The following HIP1 variants were observed in gnomAD, a reference collection of about 807,000 sequenced individuals.
HIP1 encodes the protein huntingtin-interacting protein 1.
A neutral mutation model predicts 147.6 loss-of-function variants in HIP1; 65 were observed. The ratio of observed to expected loss-of-function variants is 0.44; its 90% CI spans 0.36 to 0.54. The LOEUF (loss-of-function observed/expected upper bound fraction) is 0.54, where lower values mean the gene tolerates loss of function less well. HIP1 is among the 20% of genes least tolerant of loss of function. HIP1 has a pLI of 0.00. For missense variants in HIP1, 1,061 were observed against 1,299.6 expected (o/e 0.82, Z 2.82); for synonymous variants, 479 against 504.0 (o/e 0.95, Z 0.67).
chr7:75,631,029 C>T (rs587657469), intron 1 of HIP1, among the ~76,000 whole-genome samples: 119 of 152,326 alleles, frequency 7.8e-4, no homozygotes, highest in Middle Eastern at 3.4e-3. Context: ...TCACATCTCA[C>T]TGCAGCCTTG....
intron 22 of HIP1, 151 bp from the exon 23 acceptor site, chr7:75,549,152 C>T: frequency 3.3e-6 from 2 of 603,690 alleles, no homozygotes; most frequent in Admixed American, 5.8e-5. Flanking sequence ...CTTTTGCAGA[C>T]CCCATCTTGT....
At chr7:75,539,837 A>G (rs782757772) in intron 29 of HIP1, among the ~76,000 whole-genome samples, 1 of 152,188 alleles carries the variant, frequency 6.6e-6, no homozygotes, top group Non-Finnish European at 1.5e-5. Flanking sequence ...ACAAATGCCT[A>G]AATGGTAGGT....
chr7:75,631,771 G>A (rs1276775385), intron 1 of HIP1, among the ~76,000 whole-genome samples: 3 of 152,094 alleles, frequency 2.0e-5, no homozygotes, highest in East Asian at 1.9e-4. Context: ...GTGAGACTAC[G>A]TGCCTGTCCT....
rs147502100 is a variant in HIP1 at position 75,702,581 on chromosome 7, C to T, written c.120+36220G>A. ...TTATAAAGAAAAGTGGTTTATTTGG[C>T]TTATGGCACTGCAGGTTGCACAAGA... On this transcript the variant is annotated intron_variant, in intron 1 of 30. Coordinates refer to ENST00000336926, the MANE Select transcript of HIP1 (RefSeq NM_005338.7). 1.4e-3 allele frequency among the ~76,000 whole-genome samples: 218 copies of T among 152,290 alleles called. 1 individual carries two copies. Among genetic ancestry groups the T allele is most frequent in the African/African-American group, 5.2e-3 (215 of 41,564 alleles).
intron 1 of HIP1, among the ~76,000 whole-genome samples, chr7:75,696,605 C>G (rs1284813262): frequency 7.5e-6 from 1 of 132,902 alleles, no homozygotes; most frequent in Non-Finnish European, 1.6e-5. Context: ...CCCTCTGCTC[C>G]CCTTCCCTTT....
At chr7:75,588,331 G>A (rs1244157825) in intron 4 of HIP1, among the ~76,000 whole-genome samples, 1 of 152,098 alleles carries the variant, frequency 6.6e-6, no homozygotes, top group Non-Finnish European at 1.5e-5. Context: ...TACACAGCAT[G>A]GGCAAAATGC....
chr7:75,592,636 C>T (rs905734974), intron 2 of HIP1, 122 bp from the exon 3 acceptor site: 26 of 981,902 alleles, frequency 2.6e-5, no homozygotes, highest in Non-Finnish European at 8.8e-6. Flanking sequence ...ATAGAGGCTG[C>T]ACCCAGCCAC....
intron 1 of HIP1, among the ~76,000 whole-genome samples, chr7:75,726,175 C>T (rs1451574518): frequency 6.6e-6 from 1 of 152,142 alleles, no homozygotes; most frequent in African/African-American, 2.4e-5. Context: ...ATATAACTAG[C>T]AGTGGTATGG....
chr7:75,737,869 T>C (rs887463650), intron 1 of HIP1, among the ~76,000 whole-genome samples: 3 of 152,196 alleles, frequency 2.0e-5, no homozygotes, highest in Non-Finnish European at 2.9e-5. Context: ...CCCTCCAGCA[T>C]TGGCACTGGG....
intron 23 of HIP1, 86 bp from the exon 24 acceptor site, chr7:75,547,899 G>T (rs996499656): frequency 2.4e-6 from 3 of 1,232,320 alleles, no homozygotes; most frequent in South Asian, 2.4e-5. Flanking sequence ...CCAACATCGT[G>T]TGGTAGCTGG....
At chr7:75,569,124 A>G (rs1795519610) in intron 8 of HIP1, among the ~76,000 whole-genome samples, 1 of 152,148 alleles carries the variant, frequency 6.6e-6, no homozygotes, top group South Asian at 2.1e-4. Context: ...TCCCCTACAG[A>G]GCCAGTTCTC....
At chr7:75,539,479 T>C (rs1794219564) in intron 29 of HIP1, 48 bp from the exon 30 acceptor site, 1 of 1,407,372 alleles carries the variant, frequency 7.1e-7, no homozygotes, top group Admixed American at 1.8e-5. Flanking sequence ...CTCTCAGAGA[T>C]TTAATTTTTA....
At position 75,696,285 on chromosome 7, in the gene HIP1, G is replaced by A. The variant is rs560770831; in HGVS notation, c.120+42516C>T. 2.2e-3 allele frequency among the ~76,000 whole-genome samples: 336 copies of A among 152,230 alleles called. 3 individuals are homozygous for A. The highest frequency in any genetic ancestry group is 7.6e-3 in the African/African-American group (315 of 41,548). Reference sequence around the variant, plus strand: ...TTACAGGTGTGAGCCACCATGCCTGGCCTATCATTTCTTCTTTTCTTTCCA... The same window carrying A: ...TTACAGGTGTGAGCCACCATGCCTGACCTATCATTTCTTCTTTTCTTTCCA... On this transcript the variant is annotated intron_variant, in intron 1 of 30. Transcript: ENST00000336926.
chr7:75,548,792 C>G, intron 23 of HIP1, 99 bp downstream of exon 23: 1 of 929,104 alleles, frequency 1.1e-6, no homozygotes, highest in Non-Finnish European at 1.8e-6. Flanking sequence ...AGGGGGTTGC[C>G]ATGGCCTTAA....
intron 1 of HIP1, among the ~76,000 whole-genome samples, chr7:75,710,421 T>G (rs1801136793): frequency 6.6e-6 from 1 of 152,242 alleles, no homozygotes; most frequent in Non-Finnish European, 1.5e-5. Context: ...ACTAATATTT[T>G]ATTGAAGATT....
At chr7:75,574,011 G>C (rs587766723) in intron 7 of HIP1, 110 bp from the exon 8 acceptor site, 1 of 838,002 alleles carries the variant, frequency 1.2e-6, no homozygotes, top group East Asian at 2.6e-5. Flanking sequence ...GATTCTGTGC[G>C]TGCTTTACCT....
In HIP1 at chr7:75,691,645, A is replaced by C. The variant is rs190555161; in HGVS notation, c.120+47156T>G. ...GAAACCCCATCTCTACTAAAAACAC[A>C]AAAAATTAGCCGGGCACCTGTAATC... On this transcript the variant is annotated intron_variant, in intron 1 of 30. Transcript: ENST00000336926. 9.6e-3 allele frequency among the ~76,000 whole-genome samples: 1,458 copies of C among 151,816 alleles called. 10 individuals carry two copies. The highest frequency in any genetic ancestry group is 0.015 in the Non-Finnish European group (1,020 of 67,952).
intron 1 of HIP1, among the ~76,000 whole-genome samples, chr7:75,601,863 C>G (rs1314406362): frequency 1.3e-5 from 2 of 151,796 alleles, no homozygotes; most frequent in African/African-American, 4.8e-5. Flanking sequence ...CTTGTTGATG[C>G]TGGGGCTATA....
At chr7:75,590,236 AT>A in intron 4 of HIP1, among the ~76,000 whole-genome samples, 1 of 152,346 alleles carries the variant, frequency 6.6e-6, no homozygotes, top group African/African-American at 2.4e-5. Flanking sequence ...ATACATGGTT[AT>A]GCTAACAGAT....
Sources: gnomAD v4.1 joint callset for allele counts (sites outside exome capture counted in the v4.1 genomes callset) on GRCh38, gnomAD v4.1.1 for gene constraint, MANE v1.5 for transcripts, NCBI Gene and HGNC (gene_info 2026-07-23, HGNC 2026-07-21) for gene names.